The following SLCO3A1 variants were observed in gnomAD, a reference collection of about 807,000 sequenced individuals.
The protein encoded by SLCO3A1 is PGE1 transporter.
SLCO3A1 carries 27 observed loss-of-function variants against 63.1 expected under a neutral mutation model. That is an observed-to-expected ratio of 0.43 (90% CI 0.32 to 0.59). The LOEUF (loss-of-function observed/expected upper bound fraction) is 0.59. Among genes scored for constraint, SLCO3A1 ranks in the 20% least tolerant of loss-of-function variants. The probability of loss-of-function intolerance (pLI) is 0.09; values close to 1 mark genes in which losing one functional copy is unlikely to be tolerated. For missense variants in SLCO3A1, 773 were observed against 945.8 expected (o/e 0.82, Z 2.40); for synonymous variants, 473 against 409.9 (o/e 1.15, Z -1.86).
At chr15:92,143,430 A>AT (rs1193323281) in intron 7 of SLCO3A1, among the ~76,000 whole-genome samples, 2 of 2,034 alleles carry the variant, frequency 9.8e-4, no homozygotes, top group African/African-American at 3.8e-3. Context: ...ATATATATAT[A>AT]ATATATATAA....
At position 91,853,945 on chromosome 15, in the gene SLCO3A1, G is replaced by A. The variant is rs1319219900; in HGVS notation, c.37G>A (p.Gly13Ser). ...GAAGCCGGGCGGTTCGTCGGGCGGC[G>A]GCCGGAGCGGCGAGCTGCAGGGGGA... ...GKKPGGSSGG[G>S]RSGELQGDEA... Residue 13 changes from glycine to serine, a missense_variant, in exon 1 of 10, where the codon GGC becomes AGC. This residue lies in a region of SLCO3A1 where 69 missense variants were observed against 64.6 expected (regional missense o/e 1.07). Transcript: ENST00000318445. 2 of 1,468,914 alleles carry A rather than the reference G, an allele frequency of 1.4e-6. No individual in the cohort carries two copies. Among genetic ancestry groups the A allele is most frequent in the East Asian group, 3.0e-5 (1 of 33,262 alleles). 91.0% of individuals were successfully genotyped at this position (1,468,914 alleles called of 1,614,324 possible). A position where few individuals can be genotyped will look rare whatever the true frequency, so the allele number is the denominator to read the frequency against.
intron 1 of SLCO3A1, among the ~76,000 whole-genome samples, chr15:91,878,139 G>C (rs1355325187): frequency 6.8e-6 from 1 of 146,696 alleles, no homozygotes; most frequent in Non-Finnish European, 1.5e-5. Flanking sequence ...TCCTAGCCTG[G>C]AGTGCAGTGG....
rs2047247581 is a variant in SLCO3A1 at position 92,074,061 on chromosome 15, C to T, written c.647-20820C>T. Among the ~76,000 whole-genome samples the T allele has an allele frequency of 9.8e-5, 15 of 152,320 alleles. No homozygotes were observed. The South Asian group carries it at 3.1e-3, about 32-fold the overall frequency. On this transcript the variant is annotated intron_variant, in intron 2 of 9. Coordinates refer to ENST00000318445, the MANE Select transcript of SLCO3A1 (RefSeq NM_013272.4). ...TGTCAGGCACCTGTAATCCCAGCTA[C>T]TTGGGAGGCTGAGGCAGGAGAATTG...
At chr15:91,975,432 G>A (rs567018333) in intron 2 of SLCO3A1, among the ~76,000 whole-genome samples, 3 of 152,170 alleles carry the variant, frequency 2.0e-5, no homozygotes, top group Non-Finnish European at 2.9e-5. Flanking sequence ...TGCATTAAGC[G>A]GACAGAAGTT....
At chr15:91,999,317 A>G (rs1213670150) in intron 2 of SLCO3A1, among the ~76,000 whole-genome samples, 1 of 152,238 alleles carries the variant, frequency 6.6e-6, no homozygotes, top group Non-Finnish European at 1.5e-5. Context: ...AAAAAATAAA[A>G]AGACACATAT....
rs1899670932 is a variant in SLCO3A1, at chr15:91,942,876, A to T, written c.646+26418A>T. On this transcript the variant is annotated intron_variant, in intron 2 of 9. Coordinates refer to ENST00000318445, the MANE Select transcript of SLCO3A1 (RefSeq NM_013272.4). This position sits in a 1 kb window ranked among gnomAD's most constrained non-coding sequence, Gnocchi z 4.1. ...CACCACACCCAGCCCTTTGCTGGAA[A>T]TCTTAAGGGGAGTTCCCCTATTGAT... 6.6e-6 allele frequency among the ~76,000 whole-genome samples: 1 copy of T among 152,166 alleles called. No homozygotes were observed. The highest frequency in any genetic ancestry group is 6.5e-5 in the Admixed American group (1 of 15,288).
intron 2 of SLCO3A1, among the ~76,000 whole-genome samples, chr15:92,000,445 A>G (rs1325453050): frequency 6.6e-6 from 1 of 150,972 alleles, no homozygotes; most frequent in Non-Finnish European, 1.5e-5. Context: ...CTTAATGAGT[A>G]TGTGTTTTCT....
intron 2 of SLCO3A1, among the ~76,000 whole-genome samples, chr15:91,931,830 G>C (rs1017495528): frequency 1.0e-5 from 1 of 99,848 alleles, no homozygotes; most frequent in Non-Finnish European, 2.2e-5. Context: ...CACTCACACA[G>C]GAGTAGATGA....
chr15:92,060,680 A>G (rs1046553314), intron 2 of SLCO3A1, among the ~76,000 whole-genome samples: 11 of 152,028 alleles, frequency 7.2e-5, no homozygotes, highest in Admixed American at 6.5e-4. Flanking sequence ...TTTGTATTTT[A>G]GTAGAGACGG....
At chr15:91,918,770 A>T (rs552522372) in intron 2 of SLCO3A1, among the ~76,000 whole-genome samples, 1 of 152,296 alleles carries the variant, frequency 6.6e-6, no homozygotes, top group Non-Finnish European at 1.5e-5. Context: ...ACTGAACAGG[A>T]TTGATATAAA....
chr15:92,146,439 G>A (rs552606773), intron 7 of SLCO3A1, among the ~76,000 whole-genome samples: 2 of 152,368 alleles, frequency 1.3e-5, no homozygotes, highest in East Asian at 3.9e-4. Flanking sequence ...TCAGCCTCCA[G>A]AGAACTTTCC....
At chr15:92,084,360 A>G (rs1396027577) in intron 2 of SLCO3A1, among the ~76,000 whole-genome samples, 2 of 152,240 alleles carry the variant, frequency 1.3e-5, no homozygotes, top group East Asian at 1.9e-4. Context: ...GATCAGAAGC[A>G]TTCTGTGCAC....
chr15:92,157,433 CTT>C (rs1567153129), intron 9 of SLCO3A1, among the ~76,000 whole-genome samples: 70 of 151,878 alleles, frequency 4.6e-4, no homozygotes, highest in African/African-American at 1.6e-3. Flanking sequence ...GGCCCCCCCC[CTT>C]GTCCTCCCTT....
intron 4 of SLCO3A1, among the ~76,000 whole-genome samples, chr15:92,114,969 G>A (rs1596113992): frequency 6.6e-6 from 1 of 152,034 alleles, no homozygotes; most frequent in Non-Finnish European, 1.5e-5. Flanking sequence ...AAAAAGCATT[G>A]GCTACCATTG....
Position 91,862,105 on chromosome 15 carries a change from G to A in SLCO3A1, c.180+8017G>A, listed in dbSNP as rs907809468. 2.0e-5 allele frequency among the ~76,000 whole-genome samples: 3 copies of A among 151,922 alleles called. No individual in the cohort carries two copies. Among genetic ancestry groups the A allele is most frequent in the Non-Finnish European group, 4.4e-5 (3 of 67,966 alleles). ...TCCAAGTGGCATTTTAAGTTATCTG[G>A]TAATGGACTCAGAGAGCCCACTGAC... is the stretch of plus-strand genomic sequence containing the variant. On this transcript the variant is annotated intron_variant, in intron 1 of 9. Transcript: ENST00000318445. This position sits in a 1 kb window ranked among gnomAD's most constrained non-coding sequence, Gnocchi z 4.0.
At chr15:92,099,705 A>C (rs2047581273) in intron 3 of SLCO3A1, among the ~76,000 whole-genome samples, 1 of 152,184 alleles carries the variant, frequency 6.6e-6, no homozygotes, top group Non-Finnish European at 1.5e-5. Flanking sequence ...CAATTCACCC[A>C]ACACAAGCAA....
chr15:91,857,071 A>T (rs368836390), intron 1 of SLCO3A1, among the ~76,000 whole-genome samples: 1,441 of 130,408 alleles, frequency 0.011, 15 homozygotes, highest in Non-Finnish European at 0.018. Flanking sequence ...TGTGTGTGTG[A>T]GAGAGAGAGA....
chr15:92,025,887 A>G (rs2046568066), intron 2 of SLCO3A1, among the ~76,000 whole-genome samples: 1 of 152,224 alleles, frequency 6.6e-6, no homozygotes, highest in African/African-American at 2.4e-5. Context: ...AGAGTGGTAC[A>G]CGGGTTTCTA....
chr15:92,052,574 A>G (rs964485102), intron 2 of SLCO3A1, among the ~76,000 whole-genome samples: 5 of 152,086 alleles, frequency 3.3e-5, no homozygotes, highest in Non-Finnish European at 5.9e-5. Context: ...GCTCTTCCCA[A>G]GGTTCTTTAT....
Sources: allele counts gnomAD v4.1 joint callset (sites outside exome capture counted in the v4.1 genomes callset), GRCh38; gene constraint gnomAD v4.1.1; regional missense constraint gnomAD v4.1.1; non-coding constraint Gnocchi (gnomAD v3.1); transcripts MANE v1.5; gene names NCBI Gene and HGNC (gene_info 2026-07-23, HGNC 2026-07-21).